The following WASHC2A variants were observed in gnomAD, a reference collection of about 807,000 sequenced individuals.
WASHC2A encodes WASH complex subunit 2A.
Under a neutral mutation model 140.3 loss-of-function variants are expected in WASHC2A, and 82 were observed. The ratio of observed to expected loss-of-function variants is 0.58; its 90% CI spans 0.49 to 0.70. The LOEUF (loss-of-function observed/expected upper bound fraction) is 0.70, where lower values mean the gene tolerates loss of function less well. Among genes scored for constraint, WASHC2A ranks in the 30% least tolerant of loss-of-function variants. The probability of loss-of-function intolerance (pLI) is 0.00; values close to 1 mark genes in which losing one functional copy is unlikely to be tolerated. For missense variants in WASHC2A, 985 were observed against 1,521.8 expected (o/e 0.65, Z 5.87); for synonymous variants, 340 against 560.8 (o/e 0.61, Z 5.56).
rs745361213 is a variant in WASHC2A, at chr10:50,129,498, C to T, written c.3167C>T (p.Thr1056Ile). Reference protein sequence around the residue: ...RRLAAQESSETEDMSVPRGPI... With the variant: ...RRLAAQESSEIEDMSVPRGPI... The stretch of plus-strand genomic sequence containing the variant: ...CTGGCTGCTCAGGAGTCCAGCGAGA[C>T]TGAGGACATGAGCGTCCCCAGAGGA... The change falls in exon 29 of 31, where the codon ACT (threonine) becomes ATT (isoleucine). Residue 1056 changes from threonine to isoleucine, a missense_variant. Coordinates refer to ENST00000282633, the MANE Select transcript of WASHC2A (RefSeq NM_001005751.3). The T allele has an allele frequency of 2.8e-4, 456 of 1,612,064 alleles. 5 individuals carry two copies. The African/African-American group carries it at 5.0e-3, about 18-fold the overall frequency.
At position 50,106,615 on chromosome 10, in the gene WASHC2A, C is replaced by T. The variant is rs1279327471; in HGVS notation, c.1869+150C>T. 1.7e-4 allele frequency: 226 copies of T among 1,310,584 alleles called. 1 individual carries two copies. In the Middle Eastern group the frequency reaches 2.8e-3, roughly 16 times the overall value. The allele number at this position is 1,310,584 out of a possible 1,614,324, so 81.2% of individuals were successfully genotyped here. On this transcript the variant is annotated intron_variant, in intron 19 of 30. Transcript: ENST00000282633. ...CAAGATTGTCTTTTCTGACGGAAGA[C>T]ATTTAATGTAATATATTAATTTAAA...
In WASHC2A at chr10:50,118,042, T is replaced by G. The variant is rs782108364; in HGVS notation, c.2279T>G (p.Val760Gly). 1.2e-6 allele frequency: 2 copies of G among 1,607,710 alleles called. No individual in the cohort carries two copies. Among genetic ancestry groups the G allele is most frequent in the East Asian group, 2.2e-5 (1 of 44,776 alleles). Reference protein sequence around the residue: ...KESLKFGRTDVAESEKEGLLT... With the variant: ...KESLKFGRTDGAESEKEGLLT... ...TCATTAAAATTTGGGAGAACTGATG[T>G]GGCTGAGTCAGAAAAGGTGGACTTT... Residue 760 changes from valine (V) to glycine (G), a missense_variant, in exon 22 of 31, where the codon GTG becomes GGG. Val to Gly is a moderately radical substitution (Grantham distance 109). Coordinates refer to ENST00000282633, the MANE Select transcript of WASHC2A (RefSeq NM_001005751.3).
At chr10:50,106,125 C>T (rs1488886517) in intron 18 of WASHC2A, among the ~76,000 whole-genome samples, 55 of 149,708 alleles carry the variant, frequency 3.7e-4, no homozygotes, top group African/African-American at 1.2e-3. Flanking sequence ...GTTCTGCCTT[C>T]GAGTTCTATG....
chr10:50,083,555 T>C (rs1320849663), intron 5 of WASHC2A, among the ~76,000 whole-genome samples: 1 of 101,184 alleles, frequency 9.9e-6, no homozygotes, highest in Admixed American at 9.2e-5. Context: ...CTTTGGTATC[T>C]TTTTTTTTTT....
Position 50,129,518 on chromosome 10 carries a change from A to G in WASHC2A, c.3187A>G (p.Arg1063Gly). ...SSETEDMSVP[R>G]GPIAQWADGA... is the part of the protein sequence containing the mutation. ...CGAGACTGAGGACATGAGCGTCCCC[A>G]GAGGACCCATTGCACAGTGGGCTGA... The change falls in exon 29 of 31, where the codon AGA (arginine) becomes GGA (glycine). Residue 1063 changes from arginine to glycine, a missense_variant. Physicochemically the swap from Arg to Gly is moderately radical, Grantham distance 125. Transcript: ENST00000282633. 4 of 1,612,034 alleles carry G rather than the reference A, an allele frequency of 2.5e-6. No individual in the cohort carries two copies. Among genetic ancestry groups the G allele is most frequent in the Non-Finnish European group, 2.5e-6 (3 of 1,179,858 alleles).
Position 50,075,051 on chromosome 10 carries a change from G to T in WASHC2A, c.292-3624G>T, listed in dbSNP as rs577816763. Among the ~76,000 whole-genome samples the T allele has an allele frequency of 1.7e-3, 251 of 148,722 alleles. 1 individual carries two copies. The highest frequency in any genetic ancestry group is 6.0e-3 in the African/African-American group (242 of 40,556). ...TTAACTTTAACCTTTTCTAGATGACGGTATGTGTGTGTGTGTGTGTATTTA... is the reference window on the plus strand; with the variant it reads ...TTAACTTTAACCTTTTCTAGATGACTGTATGTGTGTGTGTGTGTGTATTTA... On this transcript the variant is annotated intron_variant, in intron 3 of 30. Coordinates refer to ENST00000282633, the MANE Select transcript of WASHC2A (RefSeq NM_001005751.3).
chr10:50,067,960 C>G lies in WASHC2A; in HGVS notation c.-46C>G. 6.3e-7 allele frequency: 1 copy of G among 1,594,000 alleles called. No individual in the cohort carries two copies. Among genetic ancestry groups the G allele is most frequent in the Non-Finnish European group, 8.5e-7 (1 of 1,172,198 alleles). On this transcript the variant is annotated 5_prime_UTR_variant, in exon 1 of 31. Transcript: ENST00000282633. ...TAGGCTTCCGGGGCTCTGCAGTCCT[C>G]GGCGTGTGCTGGCAGCTTCGGAGCC... is the stretch of plus-strand genomic sequence containing the variant.
At position 50,106,388 on chromosome 10, in the gene WASHC2A, C is replaced by G. The variant is rs782003485; in HGVS notation, c.1792C>G (p.Gln598Glu). Reference sequence around the variant, plus strand: ...GAAGCAGACATTGTGTCTACAAGCTCAGAGAGAAGAGAAAGCAAAAGCCTC... The same window carrying G: ...GAAGCAGACATTGTGTCTACAAGCTGAGAGAGAAGAGAAAGCAAAAGCCTC... ...AKKQTLCLQAQREEKAKASEL... is the reference protein window; with the variant it reads ...AKKQTLCLQAEREEKAKASEL... The change falls in exon 19 of 31, where the codon CAG becomes GAG. Residue 598 changes from glutamine (Q) to glutamate (E), a missense_variant. By Grantham distance (29) the Gln-to-Glu change is conservative. Transcript: ENST00000282633. 1 of 1,611,896 alleles carries G rather than the reference C, an allele frequency of 6.2e-7. No homozygotes were observed. The highest frequency in any genetic ancestry group is 1.7e-5 in the Admixed American group (1 of 59,996).
At chr10:50,095,291 T>G (rs1347769123) in intron 14 of WASHC2A, 84 bp downstream of exon 14, 2 of 1,203,410 alleles carry the variant, frequency 1.7e-6, no homozygotes, top group Non-Finnish European at 2.3e-6. Flanking sequence ...AAAGTCTGGC[T>G]GGAGATGAGG....
At chr10:50,095,069 T>C in intron 13 of WASHC2A, 79 bp from the exon 14 acceptor site, 1 of 1,603,906 alleles carries the variant, frequency 6.2e-7, no homozygotes, top group Non-Finnish European at 8.5e-7. Flanking sequence ...GTGTTTTACA[T>C]CGCACGTATT....
Position 50,076,126 on chromosome 10 carries a change from A to G in WASHC2A, c.292-2549A>G, listed in dbSNP as rs534562914. 9.2e-5 allele frequency among the ~76,000 whole-genome samples: 14 copies of G among 152,046 alleles called. No homozygotes were observed. The East Asian group carries it at 1.9e-3, about 21-fold the overall frequency. ...GATGGGGTTTTGCCATGGTTTCACC[A>G]TGTTGGCCAGGCTGGTCTCAAACTC... On this transcript the variant is annotated intron_variant, in intron 3 of 30. Transcript: ENST00000282633.
chr10:50,099,649 C>G (rs1246168658), intron 16 of WASHC2A, among the ~76,000 whole-genome samples: 4 of 137,476 alleles, frequency 2.9e-5, no homozygotes, highest in African/African-American at 1.2e-4. Context: ...CCCTGACTTT[C>G]TCCTGCCGAC....
intron 13 of WASHC2A, among the ~76,000 whole-genome samples, chr10:50,094,766 T>C (rs1332826113): frequency 6.6e-6 from 1 of 151,256 alleles, no homozygotes; most frequent in Non-Finnish European, 1.5e-5. Context: ...GTTTTTGCGG[T>C]TCTTTTTCAC....
intron 8 of WASHC2A, among the ~76,000 whole-genome samples, chr10:50,087,987 T>C (rs1457912529): frequency 6.6e-6 from 1 of 151,696 alleles, no homozygotes; most frequent in Non-Finnish European, 1.5e-5. Context: ...AGCCAACTTT[T>C]TTTGTATTTT....
intron 5 of WASHC2A, among the ~76,000 whole-genome samples, chr10:50,081,938 C>T (rs1388041465): frequency 6.6e-6 from 1 of 152,086 alleles, no homozygotes; most frequent in East Asian, 1.9e-4. Context: ...CAGCCTGAAC[C>T]ACTCTTCTAG....
rs1199765267 is a variant in WASHC2A, at chr10:50,093,191, G to C, written c.1004-77G>C. On this transcript the variant is annotated intron_variant, in intron 11 of 30. Transcript: ENST00000282633. Reference sequence around the variant, plus strand: ...AACTCCATGCCAGTTTGGAGACACAGCAGATGCCAACCCGGGAATTTGAGT... The same window carrying C: ...AACTCCATGCCAGTTTGGAGACACACCAGATGCCAACCCGGGAATTTGAGT... 40 of 688,012 alleles carry C rather than the reference G, an allele frequency of 5.8e-5. No homozygotes were observed. The East Asian group carries it at 6.8e-4, about 12-fold the overall frequency. 42.6% of individuals were successfully genotyped at this position (688,012 alleles called of 1,614,324 possible).
chr10:50,115,245 A>T (rs1185370235), intron 21 of WASHC2A, among the ~76,000 whole-genome samples: 2 of 35,484 alleles, frequency 5.6e-5, no homozygotes, highest in African/African-American at 1.1e-4. Context: ...ATTTCAGTGT[A>T]AGTTAATTGT....
intron 17 of WASHC2A, among the ~76,000 whole-genome samples, chr10:50,103,216 A>C (rs1331318484): frequency 2.0e-5 from 3 of 151,768 alleles, no homozygotes; most frequent in African/African-American, 7.2e-5. Flanking sequence ...TAGTTAAGCT[A>C]AGTAGACTAG....
At chr10:50,131,667 T>G (rs1843983421) in intron 30 of WASHC2A, among the ~76,000 whole-genome samples, 1 of 152,186 alleles carries the variant, frequency 6.6e-6, no homozygotes, top group African/African-American at 2.4e-5. Context: ...TTTTGATAAA[T>G]CCTGTGGGCT....
Sources: allele counts gnomAD v4.1 joint callset (sites outside exome capture counted in the v4.1 genomes callset), GRCh38; gene constraint gnomAD v4.1.1; transcripts MANE v1.5; gene names NCBI Gene and HGNC (gene_info 2026-07-23, HGNC 2026-07-21).